The following RALGAPB variants were observed in gnomAD, a reference collection of about 807,000 sequenced individuals.
RALGAPB encodes Ral GTPase activating protein non-catalytic subunit beta.
In RALGAPB, 25 loss-of-function variants were observed where a neutral mutation model predicts 161.1. The observed-to-expected ratio is 0.16, with a 90% CI of 0.11 to 0.22. The LOEUF (loss-of-function observed/expected upper bound fraction) is 0.22, where lower values mean the gene tolerates loss of function less well. RALGAPB is among the 10% of genes least tolerant of loss of function. The pLI, the probability that RALGAPB is intolerant of heterozygous loss-of-function variation, is 1.00. For missense variants in RALGAPB, 1,391 were observed against 1,815.2 expected, an observed-to-expected ratio of 0.77 and a Z score of 4.25; for synonymous variants, 629 against 626.1, an observed-to-expected ratio of 1.00 and a Z score of -0.07.
intron 18 of RALGAPB, 137 bp from the exon 19 acceptor site, chr20:38,546,106 G>A: frequency 1.4e-6 from 2 of 1,448,284 alleles, no homozygotes; most frequent in Non-Finnish European, 9.3e-7. Flanking sequence ...TTCACCACAA[G>A]GAGTAAATCT....
At chr20:38,556,680 T>C (rs2087596484) in intron 22 of RALGAPB, among the ~76,000 whole-genome samples, 1 of 152,100 alleles carries the variant, frequency 6.6e-6, no homozygotes, top group Non-Finnish European at 1.5e-5. Flanking sequence ...GTATGAGTTA[T>C]GTTCCTGGAT....
chr20:38,482,694 C>T (rs1458498929), intron 1 of RALGAPB, among the ~76,000 whole-genome samples: 2 of 152,036 alleles, frequency 1.3e-5, no homozygotes, highest in Non-Finnish European at 2.9e-5. Flanking sequence ...TTCCCAAAGT[C>T]CTGGGATTAC....
At chr20:38,532,884 CA>C (rs1568949143) in intron 15 of RALGAPB, 25 bp downstream of exon 15, 2 of 1,603,540 alleles carry the variant, frequency 1.2e-6, no homozygotes, top group South Asian at 2.2e-5. Flanking sequence ...TTTTGAAATT[CA>C]AAGTTTAATA....
chr20:38,476,691 G>C (rs2084812788), intron 1 of RALGAPB, among the ~76,000 whole-genome samples: 1 of 152,196 alleles, frequency 6.6e-6, no homozygotes, highest in Non-Finnish European at 1.5e-5. Flanking sequence ...AGCCAAAAAT[G>C]CATTTAATAT....
Position 38,516,569 on chromosome 20 carries a change from A to G in RALGAPB, c.1051+199A>G, listed in dbSNP as rs2086130052. 7.1e-6 allele frequency: 4 copies of G among 559,710 alleles called. No homozygotes were observed. The South Asian group carries it at 1.2e-4, about 17-fold the overall frequency. 34.7% of individuals were successfully genotyped at this position (559,710 alleles called of 1,614,324 possible). A position where few individuals can be genotyped will look rare whatever the true frequency, so the allele number is the denominator to read the frequency against. On this transcript the variant is annotated intron_variant, in intron 7 of 29. Transcript: ENST00000262879. ...TCTATGTAAATATTTAGATTGGTGCAAAAGTAATTGCGGTTTTTGCCATTA... is the reference window on the plus strand; with the variant it reads ...TCTATGTAAATATTTAGATTGGTGCGAAAGTAATTGCGGTTTTTGCCATTA...
intron 6 of RALGAPB, among the ~76,000 whole-genome samples, chr20:38,511,224 T>C (rs188857378): frequency 1.3e-5 from 2 of 151,854 alleles, no homozygotes; most frequent in African/African-American, 4.8e-5. Flanking sequence ...AAAGAGAAAG[T>C]GGTGAACAGC....
At chr20:38,483,384 A>G (rs888900303) in intron 1 of RALGAPB, among the ~76,000 whole-genome samples, 2 of 152,210 alleles carry the variant, frequency 1.3e-5, no homozygotes, top group Non-Finnish European at 2.9e-5. Context: ...TGGCTACATA[A>G]TAGTATATAG....
In RALGAPB at chr20:38,496,736, T is replaced by G. The variant is rs537447708; in HGVS notation, c.390-617T>G. ...GGGGTATCCTGGGAAACTTGGAGCCTCCATCTTTGGCTAAGTGTCTTTTTC... is the reference window on the plus strand; with the variant it reads ...GGGGTATCCTGGGAAACTTGGAGCCGCCATCTTTGGCTAAGTGTCTTTTTC... On this transcript the variant is annotated intron_variant, in intron 3 of 29. Transcript: ENST00000262879. Among the ~76,000 whole-genome samples the G allele has an allele frequency of 3.3e-3, 497 of 152,306 alleles. 1 individual carries two copies. Among genetic ancestry groups the G allele is most frequent in the Non-Finnish European group, 5.1e-3 (347 of 68,008 alleles).
At position 38,521,612 on chromosome 20, in the gene RALGAPB, A is replaced by C. The variant is rs777971847; in HGVS notation, c.1533A>C (p.Ala511=). 2 of 1,614,246 alleles carry C rather than the reference A, an allele frequency of 1.2e-6. No homozygotes were observed. Among genetic ancestry groups the C allele is most frequent in the South Asian group, 2.2e-5 (2 of 91,084 alleles). ...DASEFPDNYE[A]GRAEACGTLC... is the part of the protein sequence containing the mutation. ...GTGAATTTCCTGATAACTATGAAGC[A>C]GGAAGAGCTGAGGCTTGTGGGACAC... Residue 511 remains alanine, a synonymous_variant, in exon 10 of 30, where the codon GCA becomes GCC. Transcript: ENST00000262879.
At chr20:38,563,932 A>G (rs1287422028) in intron 24 of RALGAPB, among the ~76,000 whole-genome samples, 1 of 152,218 alleles carries the variant, frequency 6.6e-6, no homozygotes, top group African/African-American at 2.4e-5. Context: ...ATACCACAGC[A>G]GCCTGAAGAG....
intron 6 of RALGAPB, among the ~76,000 whole-genome samples, chr20:38,512,508 G>A (rs763293349): frequency 1.6e-4 from 25 of 152,188 alleles, no homozygotes; most frequent in Non-Finnish European, 2.9e-4. Context: ...CATGTAAAAC[G>A]GCATGATGCC....
chr20:38,489,328 G>A (rs919685475), intron 2 of RALGAPB, among the ~76,000 whole-genome samples: 8 of 152,100 alleles, frequency 5.3e-5, no homozygotes, highest in Admixed American at 1.3e-4. Flanking sequence ...ACAGACACAT[G>A]CCACCACGCC....
chr20:38,574,018 G>C (rs1453808719), intron 28 of RALGAPB, 132 bp from the exon 29 acceptor site: 1 of 853,914 alleles, frequency 1.2e-6, no homozygotes, highest in Non-Finnish European at 1.7e-6. Context: ...TGACCCCTTG[G>C]CTTTTCTCAG....
intron 2 of RALGAPB, among the ~76,000 whole-genome samples, chr20:38,488,830 A>G (rs1375110167): frequency 6.6e-6 from 1 of 152,176 alleles, no homozygotes; most frequent in Non-Finnish European, 1.5e-5. Flanking sequence ...TGTGGAGGTT[A>G]TAAGGAGTGA....
intron 1 of RALGAPB, among the ~76,000 whole-genome samples, chr20:38,474,580 A>AC (rs1296298347): frequency 1.7e-4 from 26 of 152,270 alleles, no homozygotes; most frequent in African/African-American, 5.8e-4. Flanking sequence ...TGCCAGGCCT[A>AC]CATACCCTTT....
intron 3 of RALGAPB, among the ~76,000 whole-genome samples, chr20:38,495,369 A>G (rs1600853535): frequency 6.6e-6 from 1 of 152,192 alleles, no homozygotes. Context: ...TTGCTCACAT[A>G]TACTATACTG....
In RALGAPB at chr20:38,567,164, C is replaced by T. The variant is rs746741867; in HGVS notation, c.3886C>T (p.Leu1296=). 6.2e-7 allele frequency: 1 copy of T among 1,613,680 alleles called. No homozygotes were observed. The highest frequency in any genetic ancestry group is 8.5e-7 in the Non-Finnish European group (1 of 1,179,736). ...DSNMDLMPGI[L]KQPSLTLELF... is the part of the protein sequence containing the mutation. ...AAATATGGATCTTATGCCAGGAATT[C>T]TGAAACAGCCATCCCTGACACTTGA... The change falls in exon 26 of 30, where the codon CTG becomes TTG. Residue 1296 remains leucine, a synonymous_variant. Coordinates refer to ENST00000262879, the MANE Select transcript of RALGAPB (RefSeq NM_020336.4).
chr20:38,481,121 G>A (rs766606903), intron 1 of RALGAPB, among the ~76,000 whole-genome samples: 77 of 151,950 alleles, frequency 5.1e-4, no homozygotes, highest in Non-Finnish European at 1.0e-3. Flanking sequence ...TGCACAATTC[G>A]TATGCTCTGT....
chr20:38,481,067 A>G (rs1177974507), intron 1 of RALGAPB, among the ~76,000 whole-genome samples: 1 of 151,562 alleles, frequency 6.6e-6, no homozygotes, highest in African/African-American at 2.4e-5. Context: ...CAGTCTTATC[A>G]CCTCAATTTT....
Sources: allele counts gnomAD v4.1 joint callset (sites outside exome capture counted in the v4.1 genomes callset), GRCh38; gene constraint gnomAD v4.1.1; transcripts MANE v1.5; gene names NCBI Gene and HGNC (gene_info 2026-07-23, HGNC 2026-07-21).